Variants in PCDHA4 observed in about 807,000 individuals in gnomAD.
The protein encoded by PCDHA4 is protocadherin alpha-4.
PCDHA4 carries 49 observed loss-of-function variants against 61.4 expected under a neutral mutation model. That is an observed-to-expected ratio of 0.80 (90% CI 0.63 to 1.01). PCDHA4 has a LOEUF of 1.01. Ranked by LOEUF, PCDHA4 falls within the 50% of genes least tolerant of loss-of-function variation. The pLI is 0.00. For synonymous variants in PCDHA4, 590 were observed against 550.3 expected (o/e 1.07, Z -1.01); for missense variants, 1,254 against 1,235.8 (o/e 1.01, Z -0.22).
intron 1 of PCDHA4, among the ~76,000 whole-genome samples, chr5:140,840,943 A>G (rs1442704094): frequency 1.3e-5 from 2 of 152,054 alleles, no homozygotes; most frequent in Non-Finnish European, 2.9e-5. Flanking sequence ...TATTTGAAAT[A>G]TTGGGAAGAA....
chr5:140,962,369 AT>A (rs1181838799), intron 1 of PCDHA4, among the ~76,000 whole-genome samples: 1 of 152,154 alleles, frequency 6.6e-6, no homozygotes, highest in Admixed American at 6.5e-5. Flanking sequence ...GGCTAGTTTG[AT>A]TTTATCTGTT....
Position 140,871,393 on chromosome 5 carries a change from C to G in PCDHA4, c.2385+61821C>G, listed in dbSNP as rs782354799. The G allele has an allele frequency of 6.2e-6, 10 of 1,614,130 alleles. No individual in the cohort carries two copies. The East Asian group carries it at 2.2e-4, about 36-fold the overall frequency. ...GAGGGTGTGCTCTGAGGAGGGCCCA[C>G]CTAAGACGGACCTCATGGCCTTCAG... On this transcript the variant is annotated intron_variant, in intron 1 of 3. Transcript: ENST00000530339.
At chr5:140,941,310 CTTCT>C (rs2093024652) in intron 1 of PCDHA4, among the ~76,000 whole-genome samples, 1 of 79,250 alleles carries the variant, frequency 1.3e-5, no homozygotes, top group Non-Finnish European at 2.6e-5. Flanking sequence ...CTTTCTTTTT[CTTCT>C]TTCTCTTTTT....
At chr5:140,825,406 A>G (rs1554130225) in intron 1 of PCDHA4, 1 of 146,270 alleles carries the variant, frequency 6.8e-6, no homozygotes, top group African/African-American at 2.5e-5. Context: ...TATATTATAT[A>G]TTTTATATAA....
At chr5:140,984,826 T>C (rs1554246543) in intron 3 of PCDHA4, among the ~76,000 whole-genome samples, 4 of 152,188 alleles carry the variant, frequency 2.6e-5, no homozygotes, top group African/African-American at 9.6e-5. Context: ...TTAATTACCC[T>C]TTCTGTAAAT....
chr5:140,926,420 T>G, intron 1 of PCDHA4: 1 of 152,792 alleles, frequency 6.5e-6, no homozygotes, highest in Non-Finnish European at 1.5e-5. Context: ...GGGCAGAGGA[T>G]GTGGAGGTTA....
intron 1 of PCDHA4, among the ~76,000 whole-genome samples, chr5:140,960,080 A>G: frequency 6.6e-6 from 1 of 152,360 alleles, no homozygotes; most frequent in South Asian, 2.1e-4. Context: ...GAAGTTTCTA[A>G]AAGAGAAAGA....
At chr5:140,870,402 T>G (rs782585618) in intron 1 of PCDHA4, 8 of 1,614,212 alleles carry the variant, frequency 5.0e-6, no homozygotes, top group Non-Finnish European at 5.1e-6. Flanking sequence ...GTTCGCCTTC[T>G]CTGTGGGCCA....
chr5:140,849,863 G>T (rs2150454576), intron 1 of PCDHA4: 1 of 1,598,620 alleles, frequency 6.3e-7, no homozygotes, highest in East Asian at 2.2e-5. Flanking sequence ...CAGCGTTCGC[G>T]CAGTCCGAGT....
chr5:140,827,977 T>C, intron 1 of PCDHA4: 1 of 1,408,282 alleles, frequency 7.1e-7, no homozygotes, highest in Non-Finnish European at 9.6e-7. Context: ...CATCATTCCC[T>C]GACTGTTGAA....
rs145248721 is a variant in PCDHA4 at position 140,849,849 on chromosome 5, G to A, written c.2385+40277G>A. 13 of 1,598,556 alleles carry A rather than the reference G, an allele frequency of 8.1e-6. 1 individual carries two copies. The South Asian group carries it at 1.1e-4, about 14-fold the overall frequency. On this transcript the variant is annotated intron_variant, in intron 1 of 3. Coordinates refer to ENST00000530339, the MANE Select transcript of PCDHA4 (RefSeq NM_018907.4). Reference sequence around the variant, plus strand: ...GGAGGTGGCCGACGTGAACGACAACGCACCAGCGTTCGCGCAGTCCGAGTA... The same window carrying A: ...GGAGGTGGCCGACGTGAACGACAACACACCAGCGTTCGCGCAGTCCGAGTA...
chr5:140,850,924 T>A (rs2150502629), intron 1 of PCDHA4: 3 of 1,517,174 alleles, frequency 2.0e-6, no homozygotes, highest in Non-Finnish European at 1.8e-6. Flanking sequence ...ATTTATATAA[T>A]TTTTTTTCTT....
intron 1 of PCDHA4, chr5:140,882,343 G>A: frequency 6.2e-7 from 1 of 1,614,198 alleles, no homozygotes; most frequent in Non-Finnish European, 8.5e-7. Context: ...CAGCCTGGGA[G>A]ACGGGTAGTG....
chr5:140,830,110 C>A, intron 1 of PCDHA4: 2 of 1,613,556 alleles, frequency 1.2e-6, no homozygotes, highest in Non-Finnish European at 1.7e-6. Flanking sequence ...TGGAGAGTGG[C>A]CAGGCTCCAA....
chr5:140,921,364 T>G (rs2080173595), intron 1 of PCDHA4, among the ~76,000 whole-genome samples: 1 of 152,196 alleles, frequency 6.6e-6, no homozygotes, highest in Non-Finnish European at 1.5e-5. Flanking sequence ...TATTCAAGTT[T>G]CATATTTCTA....
rs782292532 is a variant in PCDHA4, at chr5:140,808,928, G to C, written c.1741G>C (p.Val581Leu). ...CACTGGTGGCGCAGTGAGCGAGCTG[G>C]TGCCATGGTCGGTGGGTGTGGGCCA... Reference protein sequence around the residue: ...GGTGGAVSELVPWSVGVGHVV... With the variant: ...GGTGGAVSELLPWSVGVGHVV... Residue 581 changes from valine (V) to leucine (L), a missense_variant, in exon 1 of 4, where the codon GTG (valine) becomes CTG (leucine). Val to Leu is a conservative substitution (Grantham distance 32, BLOSUM62 1). Transcript: ENST00000530339. 3.1e-6 allele frequency: 5 copies of C among 1,613,746 alleles called. No individual in the cohort carries two copies. The highest frequency in any genetic ancestry group is 1.7e-4 in the Middle Eastern group (1 of 6,044).
At chr5:140,841,961 G>A (rs1221561116) in intron 1 of PCDHA4, 1 of 1,613,790 alleles carries the variant, frequency 6.2e-7, no homozygotes, top group Non-Finnish European at 8.5e-7. Flanking sequence ...ATTCCTGACA[G>A]CCACAGATGG....
At chr5:140,957,386 T>C (rs1461790676) in intron 1 of PCDHA4, among the ~76,000 whole-genome samples, 1 of 152,226 alleles carries the variant, frequency 6.6e-6, no homozygotes, top group Non-Finnish European at 1.5e-5. Context: ...TGTATTGTTA[T>C]AATTGTCCTA....
At chr5:140,865,963 C>A (rs182783301) in intron 1 of PCDHA4, 23 of 152,226 alleles carry the variant, frequency 1.5e-4, no homozygotes, top group Non-Finnish European at 3.1e-4. Flanking sequence ...TAATTTTGTA[C>A]AATGTGTGAT....
Sources: gnomAD v4.1 joint callset for allele counts (sites outside exome capture counted in the v4.1 genomes callset) on GRCh38, gnomAD v4.1.1 for gene constraint, MANE v1.5 for transcripts, NCBI Gene and HGNC (gene_info 2026-07-23, HGNC 2026-07-21) for gene names.